The following PRSS38 variants were observed in gnomAD, a reference collection of about 807,000 sequenced individuals.
PRSS38 encodes serine protease 38.
Under a neutral mutation model 26.8 loss-of-function variants are expected in PRSS38, and 22 were observed. That is an observed-to-expected ratio of 0.82 (90% CI 0.59 to 1.17). PRSS38 has a LOEUF of 1.17. PRSS38 is among the 50% of genes most tolerant of loss of function. The pLI is 0.00. For missense variants in PRSS38, 427 were observed against 422.7 expected, an observed-to-expected ratio of 1.01 and a Z score of -0.09; for synonymous variants, 175 against 172.1, an observed-to-expected ratio of 1.02 and a Z score of -0.13.
intron 3 of PRSS38, among the ~76,000 whole-genome samples, chr1:227,830,516 T>C (rs910713976): frequency 1.3e-5 from 2 of 149,944 alleles, no homozygotes; most frequent in African/African-American, 4.9e-5. Flanking sequence ...TTTTTTTTTT[T>C]TTTTGAGATG....
intron 3 of PRSS38, among the ~76,000 whole-genome samples, chr1:227,840,028 T>C (rs937012523): frequency 6.6e-6 from 1 of 152,208 alleles, no homozygotes; most frequent in Non-Finnish European, 1.5e-5. Context: ...CCGCAGCCCC[T>C]GTCTTACAGG....
intron 3 of PRSS38, among the ~76,000 whole-genome samples, chr1:227,823,515 C>T (rs556281302): frequency 5.1e-4 from 77 of 152,158 alleles, no homozygotes; most frequent in African/African-American, 1.8e-3. Flanking sequence ...TTAAAATGTG[C>T]TCCCCAGTGT....
At position 227,816,362 on chromosome 1, in the gene PRSS38, C is replaced by T. The variant is rs1220165996; in HGVS notation, c.311+110C>T. ...CTCCCCCATCACCATTGTCGACTCC[C>T]TTCACCACTGTCGACCCGCGCAAGG... On this transcript the variant is annotated intron_variant, in intron 2 of 4. Coordinates refer to ENST00000366757, the Ensembl canonical transcript of PRSS38. The surrounding 1 kb of genome is among the most constrained non-coding windows in gnomAD (Gnocchi z 5.1). 2.5e-6 allele frequency: 3 copies of T among 1,216,508 alleles called. No individual in the cohort carries two copies. Among genetic ancestry groups the T allele is most frequent in the South Asian group, 2.8e-5 (2 of 70,828 alleles). 75.4% of individuals were successfully genotyped at this position (1,216,508 alleles called of 1,614,324 possible).
At chr1:227,843,188 T>C (rs1437137087) in intron 3 of PRSS38, among the ~76,000 whole-genome samples, 1 of 152,174 alleles carries the variant, frequency 6.6e-6, no homozygotes, top group Non-Finnish European at 1.5e-5. Context: ...CCAGGATGCA[T>C]AAATGAGCTG....
chr1:227,816,247 T>G lies in PRSS38; in HGVS notation c.306T>G (p.Phe102Leu). 2.5e-6 allele frequency: 4 copies of G among 1,610,674 alleles called. No homozygotes were observed. The highest frequency in any genetic ancestry group is 3.4e-6 in the Non-Finnish European group (4 of 1,177,392). ...GGGTGCTGTCAGCTGCGCACTGCTTTCACAGGTAAGCGGGCGCCGGCCTGG... is the reference window on the plus strand; with the variant it reads ...GGGTGCTGTCAGCTGCGCACTGCTTGCACAGGTAAGCGGGCGCCGGCCTGG... The change falls in exon 2 of 5, where the codon TTT becomes TTG. Residue 102 changes from phenylalanine (F) to leucine (L), a missense_variant. Coordinates refer to ENST00000366757, the Ensembl canonical transcript of PRSS38. The surrounding 1 kb of genome is among the most constrained non-coding windows in gnomAD (Gnocchi z 5.1).
chr1:227,826,501 G>A (rs770069908), intron 3 of PRSS38, among the ~76,000 whole-genome samples: 20 of 152,270 alleles, frequency 1.3e-4, no homozygotes, highest in South Asian at 4.1e-4. Flanking sequence ...ATCACCTGAG[G>A]TTAGGAGTTC....
intron 3 of PRSS38, among the ~76,000 whole-genome samples, chr1:227,839,042 G>C (rs1665277997): frequency 6.6e-6 from 1 of 152,134 alleles, no homozygotes; most frequent in Non-Finnish European, 1.5e-5. Flanking sequence ...ATTGGTCCAT[G>C]CGAGGTAACG....
At chr1:227,836,805 CA>C (rs1665243535) in intron 3 of PRSS38, among the ~76,000 whole-genome samples, 1 of 152,138 alleles carries the variant, frequency 6.6e-6, no homozygotes, top group Admixed American at 6.5e-5. Context: ...ACATTGTTTA[CA>C]AACTCTAAAA....
intron 3 of PRSS38, among the ~76,000 whole-genome samples, chr1:227,833,666 C>T (rs1169723682): frequency 6.6e-6 from 1 of 152,206 alleles, no homozygotes; most frequent in East Asian, 1.9e-4. Flanking sequence ...TTCAGAATCA[C>T]TGGCCCATTC....
intron 3 of PRSS38, among the ~76,000 whole-genome samples, chr1:227,826,364 T>C (rs534580190): frequency 6.6e-6 from 1 of 152,308 alleles, no homozygotes; most frequent in South Asian, 2.1e-4. Flanking sequence ...TTGAACACCG[T>C]TGATTTCTTT....
intron 3 of PRSS38, among the ~76,000 whole-genome samples, chr1:227,829,566 A>G (rs753500939): frequency 6.6e-6 from 1 of 152,208 alleles, no homozygotes; most frequent in East Asian, 1.9e-4. Context: ...TGTTTACTAT[A>G]TACAGTATAT....
At chr1:227,846,121 T>G in exon 5 of PRSS38, 1 of 1,614,138 alleles carries the variant, frequency 6.2e-7, no homozygotes, top group Non-Finnish European at 8.5e-7. Flanking sequence ...CGCCCACTCC[T>G]GCTCAGCCAG....
chr1:227,834,142 G>A (rs1665202794), intron 3 of PRSS38, among the ~76,000 whole-genome samples: 2 of 152,244 alleles, frequency 1.3e-5, no homozygotes, highest in South Asian at 4.2e-4. Context: ...GCTAGGAAGA[G>A]GAAAAGAAGG....
chr1:227,837,773 T>A (rs1665259212), intron 3 of PRSS38, among the ~76,000 whole-genome samples: 1 of 152,252 alleles, frequency 6.6e-6, no homozygotes, highest in Admixed American at 6.5e-5. Context: ...GCCATCTTTT[T>A]CATTTCAGTT....
intron 3 of PRSS38, among the ~76,000 whole-genome samples, chr1:227,824,412 A>G (rs1665043086): frequency 6.6e-6 from 1 of 152,138 alleles, no homozygotes; most frequent in African/African-American, 2.4e-5. Flanking sequence ...TCATTTTTTC[A>G]TGGCTGCATA....
At chr1:227,835,522 T>G (rs773947968) in intron 3 of PRSS38, among the ~76,000 whole-genome samples, 3 of 152,220 alleles carry the variant, frequency 2.0e-5, no homozygotes, top group Non-Finnish European at 2.9e-5. Flanking sequence ...TGTACATGTG[T>G]GTTCATAGCA....
chr1:227,841,339 C>T (rs572877625), intron 3 of PRSS38, among the ~76,000 whole-genome samples: 8 of 152,354 alleles, frequency 5.3e-5, no homozygotes, highest in African/African-American at 1.4e-4. Flanking sequence ...GCTTAAATCC[C>T]GTTGACCAAA....
chr1:227,825,510 G>A (rs1366839066), intron 3 of PRSS38, among the ~76,000 whole-genome samples: 1 of 151,886 alleles, frequency 6.6e-6, no homozygotes, highest in African/African-American at 2.4e-5. Flanking sequence ...TTAAAGTTGT[G>A]GGTTTTACAT....
At chr1:227,826,738 G>A (rs552621211) in intron 3 of PRSS38, among the ~76,000 whole-genome samples, 14 of 152,044 alleles carry the variant, frequency 9.2e-5, no homozygotes, top group Admixed American at 5.9e-4. Flanking sequence ...AAAGTGGTGA[G>A]AGAGGGCATT....
Sources: gnomAD v4.1 joint callset for allele counts (sites outside exome capture counted in the v4.1 genomes callset) on GRCh38, gnomAD v4.1.1 for gene constraint, Gnocchi (gnomAD v3.1) non-coding constraint, MANE v1.5 for transcripts, NCBI Gene and HGNC (gene_info 2026-07-23, HGNC 2026-07-21) for gene names.